Variants in SIAH3 observed in about 807,000 individuals in gnomAD.
The protein encoded by SIAH3 is seven in absentia homolog 3.
SIAH3 carries 9 observed loss-of-function variants against 12.6 expected under a neutral mutation model. The observed-to-expected ratio is 0.72, with a 90% CI of 0.43 to 1.25. The LOEUF is 1.25. SIAH3 is among the 50% of genes most tolerant of loss of function. SIAH3 has a pLI of 0.00. For missense variants in SIAH3, 390 were observed against 365.4 expected, an observed-to-expected ratio of 1.07 and a Z score of -0.55; for synonymous variants, 154 against 151.1, an observed-to-expected ratio of 1.02 and a Z score of -0.14.
At chr13:45,791,075 G>T (rs570228212) in intron 1 of SIAH3, among the ~76,000 whole-genome samples, 9 of 151,944 alleles carry the variant, frequency 5.9e-5, no homozygotes, top group Admixed American at 2.6e-4. Flanking sequence ...GAGGTGGGCG[G>T]ATCAGGTTAG....
At chr13:45,797,243 A>C (rs1950566125) in intron 1 of SIAH3, among the ~76,000 whole-genome samples, 3 of 151,920 alleles carry the variant, frequency 2.0e-5, no homozygotes, top group African/African-American at 7.3e-5. Context: ...CACTTTCTAC[A>C]AGAGTGCCAT....
chr13:45,787,286 A>C (rs1950531528), intron 1 of SIAH3, among the ~76,000 whole-genome samples: 1 of 152,140 alleles, frequency 6.6e-6, no homozygotes. Flanking sequence ...GATGGGGCTT[A>C]TGGCAGGGGG....
At chr13:45,803,361 C>T (rs1950588788) in intron 1 of SIAH3, among the ~76,000 whole-genome samples, 1 of 152,114 alleles carries the variant, frequency 6.6e-6, no homozygotes, top group Admixed American at 6.5e-5. Flanking sequence ...TGTCTGTCCA[C>T]AAAAGGATGT....
intron 1 of SIAH3, among the ~76,000 whole-genome samples, chr13:45,850,451 C>T (rs1378500869): frequency 6.6e-6 from 1 of 152,198 alleles, no homozygotes; most frequent in East Asian, 1.9e-4. Context: ...GCCCCTCCCC[C>T]GGCACTCAGT....
At chr13:45,785,420 G>A (rs1003946793) in intron 1 of SIAH3, among the ~76,000 whole-genome samples, 1 of 151,804 alleles carries the variant, frequency 6.6e-6, no homozygotes, top group African/African-American at 2.4e-5. Context: ...GGGCAGGGGT[G>A]AAGGTCACCA....
At position 45,806,575 on chromosome 13, in the gene SIAH3, G is replaced by A. The variant is rs80303940; in HGVS notation, c.136-22518C>T. ...ACATTGGGGACTATGAGAGTGGGGAGGGTGGAAGGAAGACAATGGTTGAAA... is the reference window on the plus strand; with the variant it reads ...ACATTGGGGACTATGAGAGTGGGGAAGGTGGAAGGAAGACAATGGTTGAAA... On this transcript the variant is annotated intron_variant, in intron 1 of 1. Coordinates refer to ENST00000400405, the MANE Select transcript of SIAH3 (RefSeq NM_198849.3). Among the ~76,000 whole-genome samples, 1,209 of 152,264 alleles carry A rather than the reference G, an allele frequency of 7.9e-3. 9 individuals are homozygous for A. The highest frequency in any genetic ancestry group is 0.013 in the Non-Finnish European group (909 of 68,014).
chr13:45,846,948 G>C (rs1340902729), intron 1 of SIAH3, among the ~76,000 whole-genome samples: 1 of 152,236 alleles, frequency 6.6e-6, no homozygotes, highest in Admixed American at 6.5e-5. Context: ...AGCCCACAGA[G>C]TGGAGTGTCA....
chr13:45,801,100 G>A (rs202230175), intron 1 of SIAH3, among the ~76,000 whole-genome samples: 5 of 144,552 alleles, frequency 3.5e-5, no homozygotes, highest in Admixed American at 2.0e-4. Context: ...GGTGGCGGGG[G>A]GGGGCATGGC....
chr13:45,825,123 G>A (rs1324084864), intron 1 of SIAH3, among the ~76,000 whole-genome samples: 2 of 152,010 alleles, frequency 1.3e-5, no homozygotes, highest in African/African-American at 4.8e-5. Context: ...ATGAAGCTGG[G>A]GGAAATAAAT....
At chr13:45,827,490 T>C (rs1291005138) in intron 1 of SIAH3, among the ~76,000 whole-genome samples, 4 of 152,180 alleles carry the variant, frequency 2.6e-5, no homozygotes, top group Non-Finnish European at 4.4e-5. Flanking sequence ...TATTTCTAAC[T>C]AATATGGAAC....
chr13:45,787,341 G>A (rs1017158686), intron 1 of SIAH3, among the ~76,000 whole-genome samples: 3 of 152,106 alleles, frequency 2.0e-5, no homozygotes, highest in Admixed American at 1.3e-4. Context: ...CAGCATACAC[G>A]TACACACCAC....
intron 1 of SIAH3, among the ~76,000 whole-genome samples, chr13:45,803,631 C>G (rs1950589727): frequency 6.6e-6 from 1 of 152,120 alleles, no homozygotes; most frequent in South Asian, 2.1e-4. Flanking sequence ...TTCAGCAGCC[C>G]TGAAAGTTAC....
In SIAH3 at chr13:45,784,042, G is replaced by A. The variant is rs200127410; in HGVS notation, c.151C>T (p.Arg51Cys). The change falls in exon 2 of 2, where the codon CGC becomes TGC. Residue 51 changes from arginine to cysteine, a missense_variant. By Grantham distance (180) the Arg-to-Cys change is radical. Coordinates refer to ENST00000400405, the MANE Select transcript of SIAH3 (RefSeq NM_198849.3). ...THNLKYVSSR[R>C]AVTQSAPEQG... ...TCTGGAGCGCTCTGAGTGACGGCGCGCCGACTGGACACATACTGTAAGGAA... is the reference window on the plus strand; with the variant it reads ...TCTGGAGCGCTCTGAGTGACGGCGCACCGACTGGACACATACTGTAAGGAA... The A allele has an allele frequency of 3.1e-6, 5 of 1,589,194 alleles. No individual in the cohort carries two copies. In the South Asian group the frequency reaches 3.5e-5, roughly 11 times the overall value.
chr13:45,789,702 T>C (rs4942444), intron 1 of SIAH3, among the ~76,000 whole-genome samples: 126,242 of 152,110 alleles, frequency 0.83, 52,719 homozygotes, highest in Admixed American at 0.88. Flanking sequence ...CCACCACACC[T>C]GGCCTAAACA....
intron 1 of SIAH3, among the ~76,000 whole-genome samples, chr13:45,794,776 T>G (rs946863856): frequency 5.9e-5 from 9 of 152,172 alleles, no homozygotes; most frequent in African/African-American, 2.2e-4. Context: ...GTCTCAGGTG[T>G]GTCTTTATTA....
chr13:45,851,007 C>A (rs1456017207), intron 1 of SIAH3, among the ~76,000 whole-genome samples: 1 of 121,852 alleles, frequency 8.2e-6, no homozygotes, highest in Non-Finnish European at 1.7e-5. Flanking sequence ...AAGAACCCTC[C>A]CCCCACCCCA....
At chr13:45,816,630 G>A (rs1950635495) in intron 1 of SIAH3, among the ~76,000 whole-genome samples, 1 of 152,202 alleles carries the variant, frequency 6.6e-6, no homozygotes, top group Non-Finnish European at 1.5e-5. Context: ...ACTGCACTGT[G>A]CACCTTGGCC....
At chr13:45,846,084 C>CTTTTTT (rs386379026) in intron 1 of SIAH3, among the ~76,000 whole-genome samples, 1,652 of 85,548 alleles carry the variant, frequency 0.019, 103 homozygotes, top group African/African-American at 0.035. Flanking sequence ...GACCTAACTT[C>CTTTTTT]TTTTTTTTTT....
intron 1 of SIAH3, among the ~76,000 whole-genome samples, chr13:45,833,928 AC>A (rs1950708912): frequency 6.6e-6 from 1 of 151,660 alleles, no homozygotes; most frequent in African/African-American, 2.4e-5. Flanking sequence ...GTCTGCACAG[AC>A]TTTTGGCTGG....
Sources: allele counts gnomAD v4.1 joint callset (sites outside exome capture counted in the v4.1 genomes callset), GRCh38; gene constraint gnomAD v4.1.1; transcripts MANE v1.5; gene names NCBI Gene and HGNC (gene_info 2026-07-23, HGNC 2026-07-21).